Variants in DISC1 observed in about 807,000 individuals in gnomAD.
The protein encoded by DISC1 is disrupted in schizophrenia 1 protein.
In DISC1, 57 loss-of-function variants were observed where a neutral mutation model predicts 84.5. The observed-to-expected ratio is 0.67, with a 90% CI of 0.55 to 0.84. The LOEUF is 0.84. Among genes scored for constraint, DISC1 ranks in the 40% least tolerant of loss-of-function variants. DISC1 has a pLI of 0.00. For synonymous variants in DISC1, 411 were observed against 415.2 expected (o/e 0.99, Z 0.12); for missense variants, 1,000 against 1,057.8 (o/e 0.95, Z 0.76).
At chr1:231,632,838 A>T (rs2058842375) in intron 1 of DISC1, among the ~76,000 whole-genome samples, 1 of 152,200 alleles carries the variant, frequency 6.6e-6, no homozygotes, top group Non-Finnish European at 1.5e-5. Flanking sequence ...TGGGAGGCCA[A>T]GGTGGGCAGA....
At chr1:231,959,599 TTGTC>T (rs1353122740) in intron 10 of DISC1, 2 of 729,678 alleles carry the variant, frequency 2.7e-6, no homozygotes, top group Admixed American at 1.3e-4. Flanking sequence ...CCTTAAGCCT[TTGTC>T]TGCTAGGACG....
intron 9 of DISC1, among the ~76,000 whole-genome samples, chr1:231,937,951 G>A (rs2091084083): frequency 6.6e-6 from 1 of 151,650 alleles, no homozygotes; most frequent in South Asian, 2.1e-4. Context: ...ATTCTTCATT[G>A]GCTTCTATAG....
rs917914775 is a variant in DISC1, at chr1:231,723,321, C to G, written c.1117+21297C>G. The G allele has an allele frequency of 3.0e-5, 30 of 985,746 alleles. No individual in the cohort carries two copies. The African/African-American group carries it at 5.1e-4, about 17-fold the overall frequency. 61.1% of individuals were successfully genotyped at this position (985,746 alleles called of 1,614,324 possible). A position where few individuals can be genotyped will look rare whatever the true frequency, so the allele number is the denominator to read the frequency against. ...TTCAAGGGTCAACCATAACTGCAGG[C>G]AGAACATCTGGGCAGGAAGCTCCTG... On this transcript the variant is annotated intron_variant, in intron 3 of 12. Transcript: ENST00000439617.
intron 10 of DISC1, among the ~76,000 whole-genome samples, chr1:231,969,873 G>A (rs902267140): frequency 3.2e-4 from 48 of 151,992 alleles, no homozygotes; most frequent in Admixed American, 1.3e-4. Flanking sequence ...CTTTGCGATA[G>A]TTTGCTGAGA....
chr1:231,654,076 C>G (rs552253549), intron 1 of DISC1, among the ~76,000 whole-genome samples: 4 of 152,176 alleles, frequency 2.6e-5, no homozygotes, highest in Non-Finnish European at 5.9e-5. Flanking sequence ...CAGTTGGTCT[C>G]CATGGTCCGA....
intron 9 of DISC1, among the ~76,000 whole-genome samples, chr1:231,922,517 G>A (rs1273100007): frequency 2.0e-5 from 3 of 152,148 alleles, no homozygotes; most frequent in African/African-American, 7.2e-5. Context: ...AGCAGAGCAG[G>A]GCTTGGCATT....
In DISC1 at chr1:232,005,214, C is replaced by A. The variant is rs540028775; in HGVS notation, c.2043-3571C>A. ...TGATTTTTCACTCATGGAATCCTCA[C>A]CATCAAGAAATAAAATACTTCTTGT... On this transcript the variant is annotated intron_variant, in intron 10 of 12. Transcript: ENST00000439617. 1.6e-4 allele frequency among the ~76,000 whole-genome samples: 24 copies of A among 151,966 alleles called. No homozygotes were observed. The East Asian group carries it at 4.1e-3, about 26-fold the overall frequency.
chr1:231,959,589 C>T, intron 10 of DISC1: 1 of 787,710 alleles, frequency 1.3e-6, no homozygotes, highest in Non-Finnish European at 1.5e-6. Flanking sequence ...ATAGGCTATG[C>T]CTTAAGCCTT....
At chr1:231,930,617 C>G (rs1558747114) in intron 9 of DISC1, among the ~76,000 whole-genome samples, 1 of 152,060 alleles carries the variant, frequency 6.6e-6, no homozygotes, top group Non-Finnish European at 1.5e-5. Flanking sequence ...CTCACATAGC[C>G]TCTAAAAAGG....
chr1:231,783,324 T>C (rs200931046), intron 6 of DISC1, among the ~76,000 whole-genome samples: 38 of 152,280 alleles, frequency 2.5e-4, no homozygotes, highest in Admixed American at 4.6e-4. Context: ...TATTTCCTTA[T>C]TATTGTAAAA....
chr1:231,886,773 T>TCCG (rs2086742153), intron 9 of DISC1, among the ~76,000 whole-genome samples: 211 of 53,058 alleles, frequency 4.0e-3, no homozygotes, highest in African/African-American at 0.014. Context: ...CTTCCTTTCT[T>TCCG]TCTTTCTTTC....
In DISC1 at chr1:231,769,258, T is replaced by C. The variant is rs893282499; in HGVS notation, c.1399-1577T>C. Among the ~76,000 whole-genome samples, 3 of 152,202 alleles carry C rather than the reference T, an allele frequency of 2.0e-5. No homozygotes were observed. The East Asian group carries it at 5.8e-4, about 29-fold the overall frequency. On this transcript the variant is annotated intron_variant, in intron 5 of 12. Coordinates refer to ENST00000439617, the MANE Select transcript of DISC1 (RefSeq NM_018662.3). ...GACTGTGTGGTCCAGCCACCCCCCCTTCTGGGTATATATCTGTCTCAAAAA... is the reference window on the plus strand; with the variant it reads ...GACTGTGTGGTCCAGCCACCCCCCCCTCTGGGTATATATCTGTCTCAAAAA...
rs556097536 is a variant in DISC1, at chr1:231,899,030, G to A, written c.1982-59798G>A. On this transcript the variant is annotated intron_variant, in intron 9 of 12. Coordinates refer to ENST00000439617, the MANE Select transcript of DISC1 (RefSeq NM_018662.3). ...AAAAGAAAACCAAATAGTTAGATGA[G>A]ATGGAAAGAGTGGAGGACAGATCTT... 4.6e-5 allele frequency among the ~76,000 whole-genome samples: 7 copies of A among 151,934 alleles called. No individual in the cohort carries two copies. The South Asian group carries it at 1.5e-3, about 32-fold the overall frequency.
At chr1:231,959,536 A>T in intron 10 of DISC1, 1 of 981,272 alleles carries the variant, frequency 1.0e-6, no homozygotes, top group Non-Finnish European at 1.2e-6. Context: ...TTTTATGGAG[A>T]CCATTTTGCT....
At chr1:231,834,193 C>G (rs542546528) in intron 9 of DISC1, among the ~76,000 whole-genome samples, 1 of 152,180 alleles carries the variant, frequency 6.6e-6, no homozygotes, top group South Asian at 2.1e-4. Context: ...AAACTGTAAG[C>G]CAGACCGGGT....
intron 3 of DISC1, among the ~76,000 whole-genome samples, chr1:231,735,732 C>T (rs1410211192): frequency 2.0e-5 from 3 of 152,208 alleles, no homozygotes; most frequent in Non-Finnish European, 4.4e-5. Flanking sequence ...ATGTGCTTGG[C>T]ACATAGCAGT....
chr1:231,997,691 G>A (rs1464495820), intron 10 of DISC1, among the ~76,000 whole-genome samples: 2 of 152,002 alleles, frequency 1.3e-5, no homozygotes, highest in African/African-American at 2.4e-5. Context: ...TTCCCCAAGG[G>A]GTAGGTAATT....
chr1:231,958,510 A>G (rs1659910316), intron 9 of DISC1, among the ~76,000 whole-genome samples: 2 of 152,156 alleles, frequency 1.3e-5, no homozygotes, highest in South Asian at 4.1e-4. Flanking sequence ...ATCAGTTGGG[A>G]AAGGTAAGAG....
At chr1:231,969,591 T>C (rs1411412590) in intron 10 of DISC1, among the ~76,000 whole-genome samples, 1 of 21,764 alleles carries the variant, frequency 4.6e-5, no homozygotes, top group African/African-American at 2.2e-4. Flanking sequence ...TGTTTCTTTC[T>C]TTCTTTCTTT....
Sources: gnomAD v4.1 joint callset for allele counts (sites outside exome capture counted in the v4.1 genomes callset) on GRCh38, gnomAD v4.1.1 for gene constraint, MANE v1.5 for transcripts, NCBI Gene and HGNC (gene_info 2026-07-23, HGNC 2026-07-21) for gene names.